The following DEDD2 variants were observed in gnomAD, a reference collection of about 807,000 sequenced individuals.
The protein encoded by DEDD2 is DNA-binding death effector domain-containing protein 2.
A neutral mutation model predicts 28.9 loss-of-function variants in DEDD2; 18 were observed. The observed-to-expected ratio is 0.62, with a 90% confidence interval of 0.43 to 0.92. The LOEUF (loss-of-function observed/expected upper bound fraction) is 0.92, where lower values mean the gene tolerates loss of function less well. Ranked by LOEUF, DEDD2 falls within the 40% of genes least tolerant of loss-of-function variation. The probability of loss-of-function intolerance (pLI) is 0.00; values close to 1 mark genes in which losing one functional copy is unlikely to be tolerated. For synonymous variants in DEDD2, 211 were observed against 206.1 expected (o/e 1.02, Z -0.20); for missense variants, 411 against 463.3 (o/e 0.89, Z 1.04).
intron 1 of DEDD2, 98 bp from the exon 2 acceptor site, chr19:42,217,143 GGGCCGCTCCCGCACCCCCAACCGCCTC>G (rs1220398998): frequency 7.4e-6 from 7 of 939,750 alleles, no homozygotes; most frequent in Non-Finnish European, 9.5e-6. Context: ...GCGCCGGGCA[GGGCCGCTCCCGCACCCCCAACCGCCTC>G]GGCCTCCCCC....
chr19:42,219,042 C>A (rs2036078953), upstream of DEDD2, among the ~76,000 whole-genome samples: 1 of 152,196 alleles, frequency 6.6e-6, no homozygotes, highest in East Asian at 1.9e-4. Context: ...CGGTGGCTCA[C>A]GCCTGCATTC....
intron 3 of DEDD2, among the ~76,000 whole-genome samples, chr19:42,214,772 A>G (rs2035897591): frequency 6.6e-6 from 1 of 152,152 alleles, no homozygotes; most frequent in Admixed American, 6.5e-5. Context: ...TGAAAAAGCC[A>G]AACAGAAAAA....
At chr19:42,203,222 TCAAATACACA>T (rs1200372745) in intron 4 of DEDD2, among the ~76,000 whole-genome samples, 1 of 152,044 alleles carries the variant, frequency 6.6e-6, no homozygotes, top group Admixed American at 6.6e-5. Context: ...ACCATACACA[TCAAATACACA>T]ACTAAAAGAC....
At chr19:42,207,723 C>T (rs2035589211) in intron 4 of DEDD2, among the ~76,000 whole-genome samples, 2 of 152,126 alleles carry the variant, frequency 1.3e-5, no homozygotes, top group Non-Finnish European at 2.9e-5. Context: ...TAAAGATGAT[C>T]CTAATAAAAA....
Position 42,212,037 on chromosome 19 carries a change from C to CAATAATAATAATAATAATAATAATAAT in DEDD2, c.449-2198_449-2197insATTATTATTATTATTATTATTATTATT, listed in dbSNP as rs57863174. On this transcript the variant is annotated intron_variant, in intron 3 of 4. Coordinates refer to ENST00000596251, the MANE Select transcript of DEDD2 (RefSeq NM_133328.4). ...GGGCAACAAGAGTGAAACTCTTTCT[C>CAATAATAATAATAATAATAATAATAAT]AATAATAATAATAATAATAATAATA... 72 of 144,732 alleles carry CAATAATAATAATAATAATAATAATAAT rather than the reference C, an allele frequency of 5.0e-4. 1 individual carries two copies. Among genetic ancestry groups the CAATAATAATAATAATAATAATAATAAT allele is most frequent in the Middle Eastern group, 3.8e-3 (1 of 264 alleles). 9.0% of individuals were successfully genotyped at this position (144,732 alleles called of 1,614,324 possible).
intron 3 of DEDD2, among the ~76,000 whole-genome samples, chr19:42,210,560 A>C (rs1301587714): frequency 6.6e-6 from 1 of 151,764 alleles, no homozygotes; most frequent in African/African-American, 2.4e-5. Flanking sequence ...CAACCGGCTA[A>C]TTTTTTGTAT....
chr19:42,215,123 C>G lies in DEDD2; in HGVS notation c.448+10G>C, dbSNP rs748489708. The G allele has an allele frequency of 5.9e-5, 96 of 1,613,668 alleles. No homozygotes were observed. Among genetic ancestry groups the G allele is most frequent in the Non-Finnish European group, 7.9e-5 (93 of 1,179,962 alleles). The stretch of plus-strand genomic sequence containing the variant: ...GGATGCTGCCATTACACCCACCCAG[C>G]TGGGCTCACCTGTCTCCCACTGACC... On this transcript the variant is annotated intron_variant, in intron 3 of 4. Transcript: ENST00000596251.
At chr19:42,220,058 T>C (rs987981231), upstream of DEDD2, 4 of 152,266 alleles carry the variant, frequency 2.6e-5, no homozygotes, top group Admixed American at 6.5e-5. Flanking sequence ...GTTCACTCCA[T>C]GGGCCCAACG....
intron 4 of DEDD2, 74 bp downstream of exon 4, chr19:42,209,626 A>T: frequency 6.6e-7 from 1 of 1,505,324 alleles, no homozygotes; most frequent in Non-Finnish European, 8.9e-7. Flanking sequence ...CCCCCAGAAA[A>T]ATGCTCATTT....
At chr19:42,219,584 AGAGT>A (rs2036093397), upstream of DEDD2, among the ~76,000 whole-genome samples, 1 of 152,256 alleles carries the variant, frequency 6.6e-6, no homozygotes, top group Non-Finnish European at 1.5e-5. Flanking sequence ...TCTGGGCGAC[AGAGT>A]GAGACTCCGT....
chr19:42,216,984 C>T lies in DEDD2; in HGVS notation c.24G>A (p.Pro8=), dbSNP rs1375536587. Residue 8 remains proline (P), a synonymous_variant, in exon 2 of 5, where the codon CCG becomes CCA. Coordinates refer to ENST00000596251, the MANE Select transcript of DEDD2 (RefSeq NM_133328.4). ...ACTCATCCTCCTCCCAGCACGGGGC[C>T]GGGGTCGACCCGGATAGCGCCATTC... MALSGST[P]APCWEEDECL... The T allele has an allele frequency of 3.1e-6, 5 of 1,595,084 alleles. No homozygotes were observed. The East Asian group carries it at 9.2e-5, about 29-fold the overall frequency.
chr19:42,216,756 C>A lies in DEDD2; in HGVS notation c.252G>T (p.Arg84=). Residue 84 remains arginine (R), a synonymous_variant, in exon 2 of 5, where the codon CGG becomes CGT. Coordinates refer to ENST00000596251, the MANE Select transcript of DEDD2 (RefSeq NM_133328.4). Reference sequence around the variant, plus strand: ...GCACGCGCAGGAGTTGCCCCAGCAGCCGCAGGTTGCTCTCGTCGCACTGCC... The same window carrying A: ...GCACGCGCAGGAGTTGCCCCAGCAGACGCAGGTTGCTCTCGTCGCACTGCC... ...RRGQCDESNL[R]LLGQLLRVLA... is the part of the protein sequence containing the mutation. 1 of 1,593,776 alleles carries A rather than the reference C, an allele frequency of 6.3e-7. No homozygotes were observed.
chr19:42,209,043 G>A (rs528504629), intron 4 of DEDD2, among the ~76,000 whole-genome samples: 3 of 152,308 alleles, frequency 2.0e-5, no homozygotes, highest in Admixed American at 6.5e-5. Context: ...TTCAAGACCA[G>A]CCTGGCCAAC....
At chr19:42,200,502 C>T (rs923616106) in intron 4 of DEDD2, among the ~76,000 whole-genome samples, 8 of 152,366 alleles carry the variant, frequency 5.3e-5, no homozygotes, top group Middle Eastern at 3.4e-3. Context: ...CTCCCATCCA[C>T]CTGAGCCAGC....
At position 42,199,540 on chromosome 19, in the gene DEDD2, A is replaced by C; in HGVS notation, c.879T>G (p.Val293=). The C allele has an allele frequency of 6.2e-7, 1 of 1,614,080 alleles. No homozygotes were observed. The change falls in exon 5 of 5, where the codon GTT becomes GTG. Residue 293 remains valine (V), a synonymous_variant. Coordinates refer to ENST00000596251, the MANE Select transcript of DEDD2 (RefSeq NM_133328.4). The surrounding 1 kb of genome is among the most constrained non-coding windows in gnomAD (Gnocchi z 7.4). The part of the protein sequence containing the change: ...ALREAVGREA[V]RLLVSVDEAD... ...CCTCATCCACACTGACCAGCAGGCG[A>C]ACAGCCTCCCGGCCCACAGCCTCTC...
chr19:42,210,430 G>A lies in DEDD2; in HGVS notation c.449-590C>T, dbSNP rs567359271. ...TTTTTTGAGACCGAGTTTCGCTCTT[G>A]TTGCTCAGGCTGGAGTGCAATGGCA... On this transcript the variant is annotated intron_variant, in intron 3 of 4. Coordinates refer to ENST00000596251, the MANE Select transcript of DEDD2 (RefSeq NM_133328.4). 1.7e-3 allele frequency among the ~76,000 whole-genome samples: 259 copies of A among 152,094 alleles called. 1 individual carries two copies. The highest frequency in any genetic ancestry group is 6.1e-3 in the African/African-American group (252 of 41,504).
intron 4 of DEDD2, among the ~76,000 whole-genome samples, chr19:42,203,121 G>A (rs1334024926): frequency 6.6e-6 from 1 of 152,196 alleles, no homozygotes; most frequent in Non-Finnish European, 1.5e-5. Flanking sequence ...CCACCAGATA[G>A]GAAATGGCAG....
chr19:42,219,931 C>G (rs1463837447), upstream of DEDD2: 2 of 152,240 alleles, frequency 1.3e-5, no homozygotes, highest in Non-Finnish European at 2.9e-5. Flanking sequence ...ACCAGTAAAA[C>G]AGAGGCCCGG....
At chr19:42,219,459 G>A (rs1166351650), upstream of DEDD2, among the ~76,000 whole-genome samples, 1 of 151,890 alleles carries the variant, frequency 6.6e-6, no homozygotes, top group Non-Finnish European at 1.5e-5. Flanking sequence ...AACATTAGCC[G>A]GGCGTGGTGG....
Sources: allele counts gnomAD v4.1 joint callset (sites outside exome capture counted in the v4.1 genomes callset), GRCh38; gene constraint gnomAD v4.1.1; non-coding constraint Gnocchi (gnomAD v3.1); transcripts MANE v1.5; gene names NCBI Gene and HGNC (gene_info 2026-07-23, HGNC 2026-07-21).